Variants in AP5Z1 observed in about 807,000 individuals in gnomAD.
AP5Z1 encodes the protein AP-5 complex subunit zeta-1.
Under a neutral mutation model 83.0 loss-of-function variants are expected in AP5Z1, and 106 were observed. The observed-to-expected ratio is 1.28, with a 90% confidence interval of 1.09 to 1.50. The LOEUF is 1.50. AP5Z1 is among the 40% of genes most tolerant of loss of function. The probability of loss-of-function intolerance (pLI) is 0.00; values close to 1 mark genes in which losing one functional copy is unlikely to be tolerated. For missense variants in AP5Z1, 1,565 were observed against 1,094.2 expected, an observed-to-expected ratio of 1.43 and a Z score of -6.07; for synonymous variants, 751 against 514.1, an observed-to-expected ratio of 1.46 and a Z score of -6.23.
At position 4,785,653 on chromosome 7, in the gene AP5Z1, G is replaced by C; in HGVS notation, c.1101G>C (p.Leu367=). The C allele has an allele frequency of 3.2e-6, 5 of 1,551,594 alleles. No individual in the cohort carries two copies. The highest frequency in any genetic ancestry group is 4.3e-6 in the Non-Finnish European group (5 of 1,150,672). ...GGGACCCGGCCTCTGTGCGGGTGCT[G>C]CTGCCCCTCGCCCACTTCTTCCTGA... ...VRGDPASVRV[L]LPLAHFFLSH... Residue 367 remains leucine (L), a synonymous_variant, in exon 9 of 17, where the codon CTG becomes CTC. Transcript: ENST00000649063.
At chr7:4,789,774 A>T (rs1367556960) in intron 13 of AP5Z1, 58 bp from the exon 14 acceptor site, 1 of 1,424,796 alleles carries the variant, frequency 7.0e-7, no homozygotes, top group Non-Finnish European at 9.6e-7. Context: ...CTTCACCCCC[A>T]ACCTTAGGGC....
chr7:4,780,972 T>A (rs1156819208), intron 1 of AP5Z1, among the ~76,000 whole-genome samples: 1 of 152,152 alleles, frequency 6.6e-6, no homozygotes, highest in Non-Finnish European at 1.5e-5. Context: ...GCTGCAGCGA[T>A]GGATCGGGAA....
Position 4,783,716 on chromosome 7 carries a change from T to C in AP5Z1, c.539T>C (p.Leu180Pro). The C allele has an allele frequency of 1.3e-6, 2 of 1,550,544 alleles. No homozygotes were observed. Among genetic ancestry groups the C allele is most frequent in the Middle Eastern group, 1.7e-4 (1 of 5,990 alleles). The change falls in exon 5 of 17, where the codon CTG becomes CCG. Residue 180 changes from leucine to proline, a missense_variant. Transcript: ENST00000649063. ...EDQATLLSKRLVDWLRYASLQ... is the reference protein window; with the variant it reads ...EDQATLLSKRPVDWLRYASLQ... ...CAGGCCACCCTGCTCAGCAAGCGGC[T>C]GGTCGACTGGCTGCGCTACGCCAGC...
rs574224264 is a variant in AP5Z1, at chr7:4,776,387, C to A, written c.41+631C>A. Among the ~76,000 whole-genome samples the A allele has an allele frequency of 2.5e-3, 375 of 152,028 alleles. 2 individuals are homozygous for A. Among genetic ancestry groups the A allele is most frequent in the Non-Finnish European group, 4.3e-3 (291 of 67,974 alleles). ...CAGGACTGAACAGACTCACGGTCCA[C>A]CAAACAGGCAAAGACTTCATACTAC... On this transcript the variant is annotated intron_variant, in intron 1 of 16. Coordinates refer to ENST00000649063, the MANE Select transcript of AP5Z1 (RefSeq NM_014855.3).
intron 13 of AP5Z1, among the ~76,000 whole-genome samples, chr7:4,789,263 G>C (rs187851950): frequency 2.6e-5 from 4 of 151,936 alleles, no homozygotes; most frequent in African/African-American, 9.7e-5. Flanking sequence ...CATCCCAGCA[G>C]GCTCCATCCA....
At chr7:4,784,791 C>T (rs1268513880) in intron 6 of AP5Z1, 117 bp from the exon 7 acceptor site, 18 of 1,366,382 alleles carry the variant, frequency 1.3e-5, no homozygotes, top group South Asian at 3.1e-5. Context: ...TGACGCCTCA[C>T]GCCTCCCGGG....
rs1301978857 is a variant in AP5Z1, at chr7:4,779,366, CGT to C, written c.42-1806_42-1805del. Among the ~76,000 whole-genome samples the C allele has an allele frequency of 5.0e-5, 7 of 139,720 alleles. No homozygotes were observed. The East Asian group carries it at 1.2e-3, about 24-fold the overall frequency. The allele number at this position is 139,720 out of a possible 152,430, so 91.7% of individuals were successfully genotyped here. On this transcript the variant is annotated intron_variant, in intron 1 of 16. Coordinates refer to ENST00000649063, the MANE Select transcript of AP5Z1 (RefSeq NM_014855.3). ...ACATATAACATGTTATATATCATAA[CGT>C]GTTATATGTCATATAACATGATTAT...
chr7:4,783,856 G>A, intron 5 of AP5Z1, 58 bp downstream of exon 5: 2 of 1,493,902 alleles, frequency 1.3e-6, no homozygotes, highest in East Asian at 2.5e-5. Context: ...ACCCCTCCCT[G>A]AGAGCTCCTG....
rs1268964330 is a variant in AP5Z1, at chr7:4,783,802, A to G, written c.621+4A>G. 3 of 1,546,506 alleles carry G rather than the reference A, an allele frequency of 1.9e-6. No individual in the cohort carries two copies. The highest frequency in any genetic ancestry group is 2.0e-5 in the Admixed American group (1 of 51,010). On this transcript the variant is annotated splice_donor_region_variant and intron_variant, in intron 5 of 16. Transcript: ENST00000649063. ...CTCCACGCCCAGGGCCCGGCAGGTGAGGCTGGGACTGTTCTGGAACCATGG... is the reference window on the plus strand; with the variant it reads ...CTCCACGCCCAGGGCCCGGCAGGTGGGGCTGGGACTGTTCTGGAACCATGG...
At chr7:4,788,800 C>G in intron 12 of AP5Z1, 40 bp from the exon 13 acceptor site, 2 of 1,514,290 alleles carry the variant, frequency 1.3e-6, no homozygotes, top group African/African-American at 1.4e-5. Context: ...GTCACCAGGT[C>G]GGGGAGCGGG....
rs892084549 is a variant in AP5Z1 at position 4,788,930 on chromosome 7, A to G, written c.1686A>G (p.Ala562=). The G allele has an allele frequency of 3.7e-6, 6 of 1,611,252 alleles. No homozygotes were observed. In the African/African-American group the frequency reaches 8.0e-5, roughly 22 times the overall value. The change falls in exon 13 of 17, where the codon GCA becomes GCG. Residue 562 remains alanine, a synonymous_variant. Transcript: ENST00000649063. ...AGGCCGTGCCCACGCTGCTGCAGGC[A>G]TTCTTCTCAGCAGTGACCCAGGTGA... ...CAQAVPTLLQ[A]FFSAVTQVAD...
chr7:4,788,736 G>A (rs1781642455), intron 12 of AP5Z1, 104 bp from the exon 13 acceptor site: 1 of 1,017,028 alleles, frequency 9.8e-7, no homozygotes, highest in African/African-American at 1.6e-5. Flanking sequence ...AGTGAGGATG[G>A]GAGCGGGCTC....
chr7:4,787,156 G>A (rs1438534321), intron 10 of AP5Z1, among the ~76,000 whole-genome samples: 5 of 152,018 alleles, frequency 3.3e-5, no homozygotes, highest in African/African-American at 1.2e-4. Flanking sequence ...CCTCTTTCTG[G>A]AGAAAAACCA....
intron 1 of AP5Z1, 100 bp downstream of exon 1, chr7:4,775,856 A>C: frequency 2.0e-6 from 3 of 1,496,916 alleles, no homozygotes; most frequent in Non-Finnish European, 2.7e-6. Context: ...CCAGCCTTGC[A>C]GGAACCCGAC....
chr7:4,785,763 T>C (rs1237801745), intron 9 of AP5Z1, 79 bp downstream of exon 9: 37 of 792,086 alleles, frequency 4.7e-5, no homozygotes, highest in South Asian at 1.2e-4. Flanking sequence ...TTCTTCCCTT[T>C]TTTTTTTTTT....
rs1048204716 is a variant in AP5Z1, at chr7:4,781,093, T to C, written c.42-82T>C. ...TCGGCTTCTCTTTTCTAAAGAGGGA[T>C]TTTCCCTGCTCCAAGGGTTATCCTT... On this transcript the variant is annotated intron_variant, in intron 1 of 16. Coordinates refer to ENST00000649063, the MANE Select transcript of AP5Z1 (RefSeq NM_014855.3). The C allele has an allele frequency of 2.0e-6, 3 of 1,525,690 alleles. No individual in the cohort carries two copies. In the African/African-American group the frequency reaches 4.2e-5, roughly 21 times the overall value. The allele number at this position is 1,525,690 out of a possible 1,614,324, so 94.5% of individuals were successfully genotyped here.
chr7:4,783,911 C>T (rs904869114), intron 5 of AP5Z1, 113 bp downstream of exon 5: 37 of 1,168,334 alleles, frequency 3.2e-5, no homozygotes, highest in African/African-American at 6.1e-5. Flanking sequence ...GGGTCCAGGA[C>T]GAGCCTGCCT....
chr7:4,791,546 C>G lies in AP5Z1; in HGVS notation c.*161C>G, dbSNP rs977722184. 1.2e-5 allele frequency: 13 copies of G among 1,043,996 alleles called. No individual in the cohort carries two copies. In the African/African-American group the frequency reaches 1.8e-4, roughly 14 times the overall value. The allele number at this position is 1,043,996 out of a possible 1,614,324, so 64.7% of individuals were successfully genotyped here. On this transcript the variant is annotated 3_prime_UTR_variant, in exon 17 of 17. Coordinates refer to ENST00000649063, the MANE Select transcript of AP5Z1 (RefSeq NM_014855.3). ...CCTCACAGACACGCGGGGCTGGCCC[C>G]CCTGCTCACCCTCTGGGCTTTGTCT...
In AP5Z1 at chr7:4,791,371, C is replaced by T. The variant is rs2115131707; in HGVS notation, c.2410C>T (p.Leu804Phe). 2 of 1,606,488 alleles carry T rather than the reference C, an allele frequency of 1.2e-6. No homozygotes were observed. The highest frequency in any genetic ancestry group is 1.1e-5 in the South Asian group (1 of 89,962). ...VSRLVEREAG[L>F]MPG ...CCGGCTGGTGGAGAGGGAGGCCGGCCTCATGCCAGGGTGAAGGGACAGTGG... is the reference window on the plus strand; with the variant it reads ...CCGGCTGGTGGAGAGGGAGGCCGGCTTCATGCCAGGGTGAAGGGACAGTGG... The change falls in exon 17 of 17, where the codon CTC (leucine) becomes TTC (phenylalanine). Residue 804 changes from leucine (L) to phenylalanine (F), a missense_variant. Physicochemically the swap from Leu to Phe is conservative, Grantham distance 22. Transcript: ENST00000649063.
Sources: gnomAD v4.1 joint callset for allele counts (sites outside exome capture counted in the v4.1 genomes callset) on GRCh38, gnomAD v4.1.1 for gene constraint, MANE v1.5 for transcripts, NCBI Gene and HGNC (gene_info 2026-07-23, HGNC 2026-07-21) for gene names.